SYNPR: variants seen among roughly 807,000 people sequenced by gnomAD.
The protein encoded by SYNPR is synaptoporin.
Under a neutral mutation model 32.9 loss-of-function variants are expected in SYNPR, and 23 were observed. The observed-to-expected ratio is 0.70, with a 90% CI of 0.50 to 0.99. The LOEUF is 0.99. Among genes scored for constraint, SYNPR ranks in the 50% least tolerant of loss-of-function variants. The probability of loss-of-function intolerance (pLI) is 0.00; values close to 1 mark genes in which losing one functional copy is unlikely to be tolerated. For missense variants in SYNPR, 318 were observed against 349.3 expected (o/e 0.91, Z 0.71); for synonymous variants, 146 against 135.9 (o/e 1.07, Z -0.52).
In SYNPR at chr3:63,551,963, T is replaced by A. The variant is rs536222016; in HGVS notation, c.210-4580T>A. ...TCCAGGCTGAGGTGCAATGGCCTGG[T>A]TTTGGCTCGCTGCAACCTCTGCCTC... is the stretch of plus-strand genomic sequence containing the variant. On this transcript the variant is annotated intron_variant, in intron 3 of 5. Transcript: ENST00000478300. 4.6e-5 allele frequency among the ~76,000 whole-genome samples: 7 copies of A among 152,134 alleles called. No individual in the cohort carries two copies. The South Asian group carries it at 1.0e-3, about 23-fold the overall frequency.
chr3:63,597,644 A>C (rs1033826884), intron 4 of SYNPR, among the ~76,000 whole-genome samples: 1 of 152,116 alleles, frequency 6.6e-6, no homozygotes, highest in Admixed American at 6.6e-5. Context: ...ATGAAAAAAC[A>C]CTCACTAAAC....
At chr3:63,511,686 T>C (rs150533571) in intron 3 of SYNPR, among the ~76,000 whole-genome samples, 2 of 152,234 alleles carry the variant, frequency 1.3e-5, no homozygotes, top group Non-Finnish European at 2.9e-5. Flanking sequence ...GAGTAGCTTT[T>C]CTTAACGGAT....
At chr3:63,206,638 T>C in the SYNPR span, among the ~76,000 whole-genome samples, 1 of 152,226 alleles carries the variant, frequency 6.6e-6, no homozygotes, top group African/African-American at 2.4e-5. Context: ...AAATTTTGCA[T>C]TATATGACAT....
At chr3:63,411,351 A>C (rs576365864) in intron 2 of SYNPR, among the ~76,000 whole-genome samples, 48 of 152,250 alleles carry the variant, frequency 3.2e-4, no homozygotes, top group Middle Eastern at 6.8e-3. Context: ...TCATTCAATG[A>C]ATACTTACAG....
chr3:63,544,462 G>A (rs1370592719), intron 3 of SYNPR, among the ~76,000 whole-genome samples: 2 of 151,958 alleles, frequency 1.3e-5, no homozygotes, highest in Non-Finnish European at 2.9e-5. Context: ...ATTGTATTTT[G>A]TTCTATATGC....
chr3:63,211,000 C>T, the SYNPR span, among the ~76,000 whole-genome samples: 3 of 152,188 alleles, frequency 2.0e-5, no homozygotes, highest in Non-Finnish European at 4.4e-5. Context: ...CACTATTAGC[C>T]TCTTCTCCAG....
intron 2 of SYNPR, chr3:63,452,015 C>A (rs879582368): frequency 8.6e-6 from 6 of 696,532 alleles, no homozygotes; most frequent in Non-Finnish European, 1.3e-5. Flanking sequence ...CTTCCTCCCC[C>A]AGACCAGTTC....
At chr3:63,291,331 AAC>A (rs1445584540) in intron 2 of SYNPR, among the ~76,000 whole-genome samples, 1 of 152,210 alleles carries the variant, frequency 6.6e-6, no homozygotes, top group African/African-American at 2.4e-5. Context: ...AAACAACTGT[AAC>A]ACAGAGTTGT....
intron 2 of SYNPR, among the ~76,000 whole-genome samples, chr3:63,444,747 T>C (rs1476983029): frequency 6.6e-6 from 1 of 152,076 alleles, no homozygotes; most frequent in Non-Finnish European, 1.5e-5. Context: ...TCACACACGC[T>C]GTGCACACTC....
At chr3:63,402,711 T>A (rs1294642089) in intron 2 of SYNPR, among the ~76,000 whole-genome samples, 1 of 152,226 alleles carries the variant, frequency 6.6e-6, no homozygotes, top group Non-Finnish European at 1.5e-5. Flanking sequence ...AACCTTTGCT[T>A]TAGCTGTTCC....
intron 1 of SYNPR, among the ~76,000 whole-genome samples, chr3:63,236,150 T>G (rs1194291392): frequency 6.6e-6 from 1 of 152,042 alleles, no homozygotes; most frequent in African/African-American, 2.4e-5. Flanking sequence ...CTTCAATGCA[T>G]TGCTTTTTTG....
chr3:63,335,660 T>G (rs1218713711), intron 2 of SYNPR, among the ~76,000 whole-genome samples: 2 of 152,084 alleles, frequency 1.3e-5, no homozygotes, highest in African/African-American at 4.8e-5. Context: ...CTCTTGACCT[T>G]GTACTTCTGT....
chr3:63,328,704 A>G (rs1342223232), intron 2 of SYNPR, among the ~76,000 whole-genome samples: 2 of 152,164 alleles, frequency 1.3e-5, no homozygotes, highest in Non-Finnish European at 2.9e-5. Flanking sequence ...ATGTGACCTC[A>G]GAGGAACCTG....
rs116774568 is a variant in SYNPR at position 63,438,695 on chromosome 3, A to G, written c.85-42137A>G. 5.3e-3 allele frequency among the ~76,000 whole-genome samples: 801 copies of G among 152,318 alleles called. 13 individuals are homozygous for G. The highest frequency in any genetic ancestry group is 0.018 in the African/African-American group (768 of 41,570). On this transcript the variant is annotated intron_variant, in intron 2 of 5. Coordinates refer to ENST00000478300, the MANE Select transcript of SYNPR (RefSeq NM_001130003.2). ...TCTATATACCTGCTCACATCACAAT[A>G]CATTGCATTTTACCCATGCTAGGAG...
chr3:63,493,642 C>A (rs6799148), intron 3 of SYNPR, among the ~76,000 whole-genome samples: 6 of 151,396 alleles, frequency 4.0e-5, no homozygotes, highest in South Asian at 4.2e-4. Flanking sequence ...ATGGTGAAAC[C>A]TCATCTCTAC....
intron 2 of SYNPR, among the ~76,000 whole-genome samples, chr3:63,440,455 C>T (rs1187691001): frequency 2.0e-5 from 3 of 152,034 alleles, no homozygotes; most frequent in Non-Finnish European, 4.4e-5. Flanking sequence ...TTAAATGGCT[C>T]AACATGGGTA....
At chr3:63,481,524 T>C (rs1176893766) in intron 3 of SYNPR, among the ~76,000 whole-genome samples, 1 of 151,800 alleles carries the variant, frequency 6.6e-6, no homozygotes, top group Non-Finnish European at 1.5e-5. Context: ...ACTCAGTTCA[T>C]AGGTGATGAA....
intron 2 of SYNPR, among the ~76,000 whole-genome samples, chr3:63,279,780 G>A (rs1364976745): frequency 2.6e-5 from 4 of 152,214 alleles, no homozygotes; most frequent in Admixed American, 6.5e-5. Flanking sequence ...CTACATAACT[G>A]TGATGATTGT....
intron 2 of SYNPR, among the ~76,000 whole-genome samples, chr3:63,464,770 T>C (rs1402195219): frequency 6.6e-6 from 1 of 152,220 alleles, no homozygotes; most frequent in African/African-American, 2.4e-5. Flanking sequence ...TTTTGCATCA[T>C]TGTCTTTGGT....
Sources: allele counts gnomAD v4.1 joint callset (sites outside exome capture counted in the v4.1 genomes callset), GRCh38; gene constraint gnomAD v4.1.1; transcripts MANE v1.5; gene names NCBI Gene and HGNC (gene_info 2026-07-23, HGNC 2026-07-21).